PTPRN2: variants seen among roughly 807,000 people sequenced by gnomAD.
PTPRN2 encodes the protein receptor-type tyrosine-protein phosphatase N2.
Under a neutral mutation model 118.8 loss-of-function variants are expected in PTPRN2, and 74 were observed. That is an observed-to-expected ratio of 0.62 (90% CI 0.52 to 0.76). PTPRN2 has a LOEUF of 0.76. Ranked by LOEUF, PTPRN2 falls within the 30% of genes least tolerant of loss-of-function variation. The pLI, the probability that PTPRN2 is intolerant of heterozygous loss-of-function variation, is 0.00. For missense variants in PTPRN2, 1,481 were observed against 1,394.4 expected (o/e 1.06, Z -0.99); for synonymous variants, 641 against 608.0 (o/e 1.05, Z -0.80).
chr7:158,285,498 C>G (rs1799708511), intron 3 of PTPRN2, among the ~76,000 whole-genome samples: 3 of 152,210 alleles, frequency 2.0e-5, no homozygotes. Context: ...ATCCATGCTG[C>G]TCCTGCAGGC....
At chr7:158,548,944 C>T (rs1826464312) in intron 1 of PTPRN2, among the ~76,000 whole-genome samples, 1 of 152,248 alleles carries the variant, frequency 6.6e-6, no homozygotes, top group Admixed American at 6.5e-5. Context: ...CCCATCTCCT[C>T]CTTGGCAAGA....
intron 4 of PTPRN2, 123 bp downstream of exon 4, chr7:158,205,048 G>A (rs1827008229): frequency 4.8e-6 from 4 of 831,286 alleles, no homozygotes; most frequent in East Asian, 2.6e-5. Flanking sequence ...TTTCTGAAAC[G>A]TCTGCACCAG....
In PTPRN2 at chr7:157,729,621, T is replaced by A. The variant is rs1262011345; in HGVS notation, c.1789-46684A>T. 6.6e-6 allele frequency among the ~76,000 whole-genome samples: 1 copy of A among 152,186 alleles called. No individual in the cohort carries two copies. Among genetic ancestry groups the A allele is most frequent in the African/African-American group, 2.4e-5 (1 of 41,450 alleles). ...AGTGCCTGAGACCTGCAAAGGGCCA[T>A]CCTGGGGTCCGAGGGCTTCCTGGTC... On this transcript the variant is annotated intron_variant, in intron 12 of 22. Transcript: ENST00000389418. This position sits in a 1 kb window ranked among gnomAD's most constrained non-coding sequence, Gnocchi z 4.3.
intron 12 of PTPRN2, among the ~76,000 whole-genome samples, chr7:157,697,641 T>C (rs1390682594): frequency 6.8e-6 from 1 of 146,738 alleles, no homozygotes; most frequent in Non-Finnish European, 1.5e-5. Context: ...CGTCTACCCA[T>C]GCATACTGGA....
intron 9 of PTPRN2, among the ~76,000 whole-genome samples, chr7:158,123,950 AGG>A (rs1817398266): frequency 6.7e-6 from 1 of 149,286 alleles, no homozygotes; most frequent in Non-Finnish European, 1.5e-5. Context: ...GTGCCGACCC[AGG>A]CGGAGCTGGT....
chr7:158,082,390 A>G (rs978570064), intron 10 of PTPRN2, among the ~76,000 whole-genome samples: 8 of 152,112 alleles, frequency 5.3e-5, no homozygotes, highest in African/African-American at 1.4e-4. Context: ...TTTGATTCAG[A>G]CATCTCTGCT....
At chr7:157,570,104 C>T (rs1444334324) in intron 20 of PTPRN2, among the ~76,000 whole-genome samples, 5 of 152,252 alleles carry the variant, frequency 3.3e-5, no homozygotes, top group Non-Finnish European at 4.4e-5. Context: ...AAAAACGGCA[C>T]GTTCACATCC....
intron 10 of PTPRN2, among the ~76,000 whole-genome samples, chr7:158,089,407 A>AC (rs1398083006): frequency 2.9e-5 from 1 of 34,460 alleles, no homozygotes; most frequent in African/African-American, 5.2e-5. Context: ...CTTCACACAA[A>AC]CCTTCCTCCC....
intron 2 of PTPRN2, among the ~76,000 whole-genome samples, chr7:158,379,630 C>G (rs1048444060): frequency 4.6e-5 from 7 of 151,716 alleles, no homozygotes; most frequent in African/African-American, 1.7e-4. Flanking sequence ...CATTCAAACT[C>G]ACAGCACAGC....
chr7:158,150,900 T>C (rs990047473), intron 6 of PTPRN2, among the ~76,000 whole-genome samples: 6 of 152,008 alleles, frequency 3.9e-5, no homozygotes, highest in African/African-American at 1.5e-4. Context: ...TCCTACTGGT[T>C]TGCAGCAAAT....
At position 157,923,853 on chromosome 7, in the gene PTPRN2, T is replaced by C. The variant is rs558620240; in HGVS notation, c.1724-25116A>G. Among the ~76,000 whole-genome samples, 3 of 152,090 alleles carry C rather than the reference T, an allele frequency of 2.0e-5. No homozygotes were observed. The South Asian group carries it at 6.3e-4, about 32-fold the overall frequency. Reference sequence around the variant, plus strand: ...GGTTCTTTTGCTAAACTCAGGGAGATTTTAGTTGAATTTGCAAAATGGTTG... The same window carrying C: ...GGTTCTTTTGCTAAACTCAGGGAGACTTTAGTTGAATTTGCAAAATGGTTG... On this transcript the variant is annotated intron_variant, in intron 11 of 22. Transcript: ENST00000389418.
chr7:158,219,831 T>C (rs1175566207), intron 3 of PTPRN2, among the ~76,000 whole-genome samples: 1 of 151,506 alleles, frequency 6.6e-6, no homozygotes, highest in African/African-American at 2.4e-5. Context: ...CAGGAAGAAA[T>C]TCAAATCCTG....
chr7:158,241,820 A>G (rs1414862016), intron 3 of PTPRN2, among the ~76,000 whole-genome samples: 5 of 152,142 alleles, frequency 3.3e-5, no homozygotes, highest in African/African-American at 1.2e-4. Flanking sequence ...ACATCTTGGG[A>G]CCTTTTTTAA....
intron 17 of PTPRN2, among the ~76,000 whole-genome samples, chr7:157,582,233 C>T (rs912295991): frequency 3.3e-5 from 5 of 152,184 alleles, no homozygotes; most frequent in Non-Finnish European, 4.4e-5. Context: ...CTATCAACAC[C>T]GATGGAGAGG....
At chr7:157,855,806 C>T (rs188346690) in intron 12 of PTPRN2, 3 of 152,308 alleles carry the variant, frequency 2.0e-5, no homozygotes, top group African/African-American at 7.2e-5. Flanking sequence ...AACTAACGCC[C>T]TCTATGATTT....
At chr7:158,004,337 C>T in intron 11 of PTPRN2, among the ~76,000 whole-genome samples, 1 of 152,186 alleles carries the variant, frequency 6.6e-6, no homozygotes, top group East Asian at 1.9e-4. Context: ...TTCCTAACCC[C>T]TCCCAGATGC....
intron 12 of PTPRN2, among the ~76,000 whole-genome samples, chr7:157,734,257 TCCCATGTGCCCAGTGCAGTCTTCC>T (rs1800165466): frequency 1.4e-5 from 1 of 72,476 alleles, no homozygotes; most frequent in African/African-American, 5.1e-5. Flanking sequence ...CACTCTTCCG[TCCCATGTGCCCAGTGCAGTCTTCC>T]GTCCCATGCG....
At chr7:157,858,052 T>C (rs554709615) in intron 12 of PTPRN2, among the ~76,000 whole-genome samples, 101 of 138,112 alleles carry the variant, frequency 7.3e-4, no homozygotes, top group South Asian at 3.0e-3. Flanking sequence ...GCCCCCCAGC[T>C]ACCACCCACA....
rs192053860 is a variant in PTPRN2 at position 158,383,700 on chromosome 7, T to C, written c.164-66768A>G. Among the ~76,000 whole-genome samples, 3 of 152,300 alleles carry C rather than the reference T, an allele frequency of 2.0e-5. 1 individual carries two copies. The highest frequency in any genetic ancestry group is 6.5e-5 in the Admixed American group (1 of 15,298). ...GTGGTCAGGAAAGAAAGGTGTGGGTTTGTGTTCAATTGCAGAAGAGTCTCA... is the reference window on the plus strand; with the variant it reads ...GTGGTCAGGAAAGAAAGGTGTGGGTCTGTGTTCAATTGCAGAAGAGTCTCA... On this transcript the variant is annotated intron_variant, in intron 2 of 22. Coordinates refer to ENST00000389418, the MANE Select transcript of PTPRN2 (RefSeq NM_002847.5).
Sources: gnomAD v4.1 joint callset for allele counts (sites outside exome capture counted in the v4.1 genomes callset) on GRCh38, gnomAD v4.1.1 for gene constraint, Gnocchi (gnomAD v3.1) non-coding constraint, MANE v1.5 for transcripts, NCBI Gene and HGNC (gene_info 2026-07-23, HGNC 2026-07-21) for gene names.